Variants in CELF2 observed in about 807,000 individuals in gnomAD.
The protein encoded by CELF2 is CUG triplet repeat RNA-binding protein 2.
In CELF2, 8 loss-of-function variants were observed where a neutral mutation model predicts 62.6. The observed-to-expected ratio is 0.13, with a 90% CI of 0.07 to 0.23. The LOEUF is 0.23. CELF2 is among the 10% of genes least tolerant of loss of function. CELF2 has a pLI of 1.00. For missense variants in CELF2, 333 were observed against 671.0 expected (o/e 0.50, Z 5.56); for synonymous variants, 258 against 250.0 (o/e 1.03, Z -0.30).
intron 2 of CELF2, among the ~76,000 whole-genome samples, chr10:11,212,294 C>A (rs1239606673): frequency 6.6e-6 from 1 of 152,174 alleles, no homozygotes; most frequent in African/African-American, 2.4e-5. Context: ...TGTCCAGGAT[C>A]TTCTTGCTGC....
At chr10:11,104,225 T>G (rs2052705552) in intron 1 of CELF2, among the ~76,000 whole-genome samples, 1 of 152,236 alleles carries the variant, frequency 6.6e-6, no homozygotes, top group Non-Finnish European at 1.5e-5. Context: ...GCATTCTGAT[T>G]TATTTACTTG....
chr10:11,211,148 C>T lies in CELF2; in HGVS notation c.272-6277C>T, dbSNP rs1322850342. Among the ~76,000 whole-genome samples the T allele has an allele frequency of 6.6e-6, 1 of 152,146 alleles. No individual in the cohort carries two copies. Among genetic ancestry groups the T allele is most frequent in the Admixed American group, 6.5e-5 (1 of 15,270 alleles). On this transcript the variant is annotated intron_variant, in intron 2 of 12. Transcript: ENST00000633077. This position sits in a 1 kb window ranked among gnomAD's most constrained non-coding sequence, Gnocchi z 4.8. Reference sequence around the variant, plus strand: ...TAAAAATTAGCCTGGTGTAGTGGCACATGCCTGCAGTCCTGGATACTCAGC... The same window carrying T: ...TAAAAATTAGCCTGGTGTAGTGGCATATGCCTGCAGTCCTGGATACTCAGC...
the CELF2 span, among the ~76,000 whole-genome samples, chr10:10,681,157 G>T: frequency 6.6e-6 from 1 of 152,116 alleles, no homozygotes; most frequent in Admixed American, 6.6e-5. Context: ...AATGAATTCA[G>T]CCTAGGACTT....
intron 2 of CELF2, among the ~76,000 whole-genome samples, chr10:11,188,578 G>A (rs976572582): frequency 3.3e-5 from 5 of 151,860 alleles, no homozygotes; most frequent in African/African-American, 1.2e-4. Context: ...TTATGTGACT[G>A]GGTTTGAGTA....
intron 1 of CELF2, among the ~76,000 whole-genome samples, chr10:10,890,109 G>A (rs2062027076): frequency 1.3e-5 from 2 of 152,180 alleles, no homozygotes; most frequent in Admixed American, 1.3e-4. Flanking sequence ...ATGTAGATAT[G>A]ATGAGTTCTC....
At chr10:10,877,250 A>T (rs1056898661) in intron 1 of CELF2, among the ~76,000 whole-genome samples, 1 of 152,214 alleles carries the variant, frequency 6.6e-6, no homozygotes, top group African/African-American at 2.4e-5. Context: ...TAGACAATTT[A>T]TTTTGCCAAG....
the CELF2 span, among the ~76,000 whole-genome samples, chr10:10,606,763 G>C: frequency 6.6e-6 from 1 of 152,078 alleles, no homozygotes; most frequent in Non-Finnish European, 1.5e-5. Context: ...GTATAAAATT[G>C]GATGGGCCAA....
the CELF2 span, among the ~76,000 whole-genome samples, chr10:10,698,561 C>G: frequency 6.6e-6 from 1 of 152,318 alleles, no homozygotes; most frequent in Middle Eastern, 3.4e-3. Flanking sequence ...CCACGGATCA[C>G]CTACGTTCTC....
intron 9 of CELF2, among the ~76,000 whole-genome samples, chr10:11,295,671 C>T (rs569948967): frequency 6.6e-6 from 1 of 152,322 alleles, no homozygotes; most frequent in African/African-American, 2.4e-5. Flanking sequence ...TGCTCTGTGG[C>T]TTCTCCACAG....
chr10:11,270,279 G>A lies in CELF2; in HGVS notation c.619-387G>A, dbSNP rs930192126. 5.9e-5 allele frequency among the ~76,000 whole-genome samples: 9 copies of A among 152,158 alleles called. No individual in the cohort carries two copies. In the East Asian group the frequency reaches 1.5e-3, roughly 26 times the overall value. Reference sequence around the variant, plus strand: ...TGTCCTCTGTCCACCTGTGGACACGGGCAGACACACAAAGCCAAGTCTGTC... The same window carrying A: ...TGTCCTCTGTCCACCTGTGGACACGAGCAGACACACAAAGCCAAGTCTGTC... On this transcript the variant is annotated intron_variant, in intron 6 of 12. Transcript: ENST00000633077. The surrounding 1 kb of genome is among the most constrained non-coding windows in gnomAD (Gnocchi z 5.8).
intron 1 of CELF2, among the ~76,000 whole-genome samples, chr10:11,065,360 G>A (rs903656397): frequency 1.3e-5 from 2 of 152,186 alleles, no homozygotes; most frequent in Admixed American, 1.3e-4. Context: ...AGATCTGACG[G>A]TAAATTCTTG....
chr10:11,245,409 C>T (rs1368449995), intron 3 of CELF2, among the ~76,000 whole-genome samples: 1 of 152,222 alleles, frequency 6.6e-6, no homozygotes, highest in Non-Finnish European at 1.5e-5. Context: ...GAACACCTTT[C>T]TCTAAGAAGG....
chr10:10,718,444 T>C, the CELF2 span, among the ~76,000 whole-genome samples: 108,714 of 151,720 alleles, frequency 0.72, 39,296 homozygotes, highest in South Asian at 0.83. Context: ...GCCAACATGG[T>C]GAAACCCCCT....
chr10:10,549,642 T>C, the CELF2 span, among the ~76,000 whole-genome samples: 2 of 152,204 alleles, frequency 1.3e-5, no homozygotes, highest in African/African-American at 4.8e-5. Context: ...CTTCTCCCTA[T>C]GTCTTGAAAT....
At chr10:10,751,732 C>T in the CELF2 span, among the ~76,000 whole-genome samples, 1 of 152,048 alleles carries the variant, frequency 6.6e-6, no homozygotes, top group Non-Finnish European at 1.5e-5. Flanking sequence ...AAATCTCGTA[C>T]TGCTTTGGGA....
At chr10:10,553,227 T>G in the CELF2 span, among the ~76,000 whole-genome samples, 3 of 152,048 alleles carry the variant, frequency 2.0e-5, no homozygotes, top group Admixed American at 6.6e-5. Context: ...AACGGTCAGA[T>G]CTCGTGAGAC....
chr10:10,742,938 A>G, the CELF2 span, among the ~76,000 whole-genome samples: 1 of 152,334 alleles, frequency 6.6e-6, no homozygotes, highest in Admixed American at 6.5e-5. Flanking sequence ...AACTTTATGG[A>G]GAAACATTTT....
rs87790 is a variant in CELF2, at chr10:11,010,038, T to C, written c.53+4598T>C. ...ATTGATGAGTTGCTTTTCATCCTTC[T>C]TGTAAGGCTCTCCATCTCAGTCCCA... is the stretch of plus-strand genomic sequence containing the variant. On this transcript the variant is annotated intron_variant, in intron 1 of 12. Coordinates refer to the CELF2 transcript ENST00000416382. This position sits in a 1 kb window ranked among gnomAD's most constrained non-coding sequence, Gnocchi z 4.1. 35,768 of 152,184 alleles carry C rather than the reference T, an allele frequency of 0.24. 7,708 individuals are homozygous for C. Among genetic ancestry groups the C allele is most frequent in the African/African-American group, 0.58 (23,859 of 41,452 alleles). 9.4% of individuals were successfully genotyped at this position (152,184 alleles called of 1,614,324 possible).
chr10:10,595,651 T>C, the CELF2 span, among the ~76,000 whole-genome samples: 2 of 152,168 alleles, frequency 1.3e-5, no homozygotes, highest in Admixed American at 1.3e-4. Flanking sequence ...TGACTACACT[T>C]TCCCTAGAAA....
Sources: gnomAD v4.1 joint callset for allele counts (sites outside exome capture counted in the v4.1 genomes callset) on GRCh38, gnomAD v4.1.1 for gene constraint, Gnocchi (gnomAD v3.1) non-coding constraint, MANE v1.5 for transcripts, NCBI Gene and HGNC (gene_info 2026-07-23, HGNC 2026-07-21) for gene names.